The following MAP4K3 variants were observed in gnomAD, a reference collection of about 807,000 sequenced individuals.
MAP4K3 encodes the protein mitogen-activated protein kinase kinase kinase kinase 3.
MAP4K3 carries 94 observed loss-of-function variants against 143.5 expected under a neutral mutation model. That is an observed-to-expected ratio of 0.65 (90% CI 0.55 to 0.78). The LOEUF (loss-of-function observed/expected upper bound fraction) is 0.78. Among genes scored for constraint, MAP4K3 ranks in the 30% least tolerant of loss-of-function variants. MAP4K3 has a pLI of 0.00. For synonymous variants in MAP4K3, 416 were observed against 347.2 expected (o/e 1.20, Z -2.20); for missense variants, 1,077 against 1,068.1 (o/e 1.01, Z -0.12).
chr2:39,371,425 C>G (rs1666078480), intron 2 of MAP4K3, among the ~76,000 whole-genome samples: 1 of 152,124 alleles, frequency 6.6e-6, no homozygotes, highest in Admixed American at 6.5e-5. Context: ...TTCTCTATGT[C>G]AAAGTGACTT....
intron 13 of MAP4K3, among the ~76,000 whole-genome samples, chr2:39,313,268 T>C (rs1358608550): frequency 2.0e-5 from 3 of 152,192 alleles, no homozygotes; most frequent in African/African-American, 4.8e-5. Context: ...GTTTGTTGTA[T>C]AGGTAAACTT....
rs142104193 is a variant in MAP4K3, at chr2:39,329,524, T to C, written c.530+2393A>G. Among the ~76,000 whole-genome samples the C allele has an allele frequency of 3.3e-5, 5 of 152,254 alleles. No homozygotes were observed. The East Asian group carries it at 9.6e-4, about 29-fold the overall frequency. On this transcript the variant is annotated intron_variant, in intron 8 of 33. Coordinates refer to ENST00000263881, the MANE Select transcript of MAP4K3 (RefSeq NM_003618.4). ...AAATACCCTGGAAATGTTGACAAGC[T>C]AGGTTTAAAAAGTAGCAATAGTAGG...
chr2:39,337,755 T>TG (rs1665010408), intron 4 of MAP4K3, among the ~76,000 whole-genome samples, 174 bp from the exon 5 acceptor site: 1 of 125,322 alleles, frequency 8.0e-6, no homozygotes, highest in East Asian at 2.3e-4. Flanking sequence ...GGCTCCAGTT[T>TG]TTTTTTTTTT....
intron 12 of MAP4K3, among the ~76,000 whole-genome samples, chr2:39,320,390 C>T (rs1683261730): frequency 6.6e-6 from 1 of 152,056 alleles, no homozygotes; most frequent in Admixed American, 6.6e-5. Context: ...AAAATCAAAC[C>T]TTGACGATGG....
intron 18 of MAP4K3, among the ~76,000 whole-genome samples, chr2:39,291,192 G>C (rs891765354): frequency 6.6e-6 from 1 of 152,160 alleles, no homozygotes; most frequent in African/African-American, 2.4e-5. Flanking sequence ...TAATTACCCT[G>C]ATCAGATCAC....
At chr2:39,429,607 CAT>C (rs1665221043) in intron 1 of MAP4K3, among the ~76,000 whole-genome samples, 1 of 152,172 alleles carries the variant, frequency 6.6e-6, no homozygotes, top group East Asian at 1.9e-4. Flanking sequence ...GTGTTGGGTA[CAT>C]GAGACCTCTT....
At chr2:39,379,083 A>T (rs1558676570) in intron 1 of MAP4K3, among the ~76,000 whole-genome samples, 1 of 152,060 alleles carries the variant, frequency 6.6e-6, no homozygotes, top group Non-Finnish European at 1.5e-5. Flanking sequence ...AGATCCATTC[A>T]TGTGACCAGA....
chr2:39,369,071 T>G (rs933305378), intron 2 of MAP4K3, among the ~76,000 whole-genome samples: 1 of 152,138 alleles, frequency 6.6e-6, no homozygotes, highest in Non-Finnish European at 1.5e-5. Context: ...CCAGCAGGGC[T>G]TCTCTCCCAT....
intron 1 of MAP4K3, among the ~76,000 whole-genome samples, chr2:39,417,538 C>G (rs1014559953): frequency 1.3e-5 from 2 of 152,056 alleles, no homozygotes; most frequent in Admixed American, 6.6e-5. Context: ...TTTCTTACTA[C>G]TGGATTAGGA....
At chr2:39,298,973 A>G (rs1238733082) in intron 16 of MAP4K3, among the ~76,000 whole-genome samples, 2 of 151,848 alleles carry the variant, frequency 1.3e-5, no homozygotes, top group Middle Eastern at 3.2e-3. Context: ...TCAAAAAAAA[A>G]AAAAAAAAAG....
intron 3 of MAP4K3, among the ~76,000 whole-genome samples, chr2:39,354,499 T>A (rs542922561): frequency 4.6e-5 from 7 of 151,370 alleles, no homozygotes; most frequent in Middle Eastern, 3.4e-3. Flanking sequence ...GTGCCTATCG[T>A]CCTAGCTACT....
intron 2 of MAP4K3, among the ~76,000 whole-genome samples, chr2:39,367,496 T>C (rs1464108280): frequency 6.6e-6 from 1 of 151,832 alleles, no homozygotes; most frequent in Non-Finnish European, 1.5e-5. Flanking sequence ...GCTGTCACTG[T>C]GCCACTGCAC....
intron 21 of MAP4K3, among the ~76,000 whole-genome samples, chr2:39,284,307 G>A (rs1375844464): frequency 3.3e-5 from 5 of 151,836 alleles, no homozygotes; most frequent in Admixed American, 1.3e-4. Flanking sequence ...GATTACAGGC[G>A]CCTGCCACCA....
intron 2 of MAP4K3, among the ~76,000 whole-genome samples, chr2:39,361,170 C>A (rs543900330): frequency 3.4e-4 from 51 of 152,180 alleles, no homozygotes; most frequent in African/African-American, 1.2e-3. Flanking sequence ...CTGTTTCTTT[C>A]TTTCTCTCTG....
intron 2 of MAP4K3, among the ~76,000 whole-genome samples, chr2:39,369,674 A>T (rs1277669399): frequency 2.0e-5 from 3 of 152,136 alleles, no homozygotes; most frequent in Non-Finnish European, 4.4e-5. Context: ...GCTCATCTGA[A>T]GTTTTACTTC....
At chr2:39,382,782 T>G (rs1025372955) in intron 1 of MAP4K3, among the ~76,000 whole-genome samples, 1 of 152,224 alleles carries the variant, frequency 6.6e-6, no homozygotes, top group Non-Finnish European at 1.5e-5. Flanking sequence ...ACAGTCAGGT[T>G]TGGGGACCCA....
intron 1 of MAP4K3, among the ~76,000 whole-genome samples, chr2:39,403,858 G>A (rs1217212804): frequency 6.6e-6 from 1 of 150,454 alleles, no homozygotes; most frequent in Non-Finnish European, 1.5e-5. Context: ...AGAGTGAAGA[G>A]GACTCTAACC....
chr2:39,383,935 T>G (rs1666418906), intron 1 of MAP4K3, among the ~76,000 whole-genome samples: 1 of 151,740 alleles, frequency 6.6e-6, no homozygotes. Context: ...TGAAACCCTG[T>G]CTCTACAAAA....
At chr2:39,409,765 T>TTCTA (rs1361846893) in intron 1 of MAP4K3, among the ~76,000 whole-genome samples, 1 of 152,220 alleles carries the variant, frequency 6.6e-6, no homozygotes, top group Non-Finnish European at 1.5e-5. Context: ...ATTATCCATA[T>TTCTA]TCTACATGGA....
Sources: gnomAD v4.1 joint callset for allele counts (sites outside exome capture counted in the v4.1 genomes callset) on GRCh38, gnomAD v4.1.1 for gene constraint, MANE v1.5 for transcripts, NCBI Gene and HGNC (gene_info 2026-07-23, HGNC 2026-07-21) for gene names.